Variants in CTNNA1 observed in about 807,000 individuals in gnomAD.
CTNNA1 encodes the protein catenin alpha 1, also known as catenin alpha-1.
CTNNA1 carries 37 observed loss-of-function variants against 98.4 expected under a neutral mutation model. That is an observed-to-expected ratio of 0.38 (90% CI 0.29 to 0.49). CTNNA1 has a LOEUF of 0.49. Ranked by LOEUF, CTNNA1 falls within the 20% of genes least tolerant of loss-of-function variation. CTNNA1 has a pLI of 0.95. For synonymous variants in CTNNA1, 404 were observed against 413.2 expected, an observed-to-expected ratio of 0.98 and a Z score of 0.27; for missense variants, 761 against 1,147.2, an observed-to-expected ratio of 0.66 and a Z score of 4.86.
chr5:138,791,467 A>G (rs1471663898), intron 3 of CTNNA1, among the ~76,000 whole-genome samples: 1 of 151,780 alleles, frequency 6.6e-6, no homozygotes, highest in Non-Finnish European at 1.5e-5. Context: ...AATACAAAAA[A>G]TTAGCCAGGC....
At chr5:138,768,290 C>T (rs987034375) in intron 1 of CTNNA1, among the ~76,000 whole-genome samples, 1 of 152,086 alleles carries the variant, frequency 6.6e-6, no homozygotes, top group Non-Finnish European at 1.5e-5. Context: ...GATCGAGTCT[C>T]GCTCTGTCAC....
intron 9 of CTNNA1, among the ~76,000 whole-genome samples, chr5:138,894,281 CTTTTTTT>C (rs539073038): frequency 8.1e-6 from 1 of 123,948 alleles, no homozygotes; most frequent in Non-Finnish European, 1.6e-5. Flanking sequence ...TTTTCTTTCT[CTTTTTTT>C]TTTTTTTTTT....
At chr5:138,757,584 G>A (rs932050934) in intron 1 of CTNNA1, among the ~76,000 whole-genome samples, 1 of 152,158 alleles carries the variant, frequency 6.6e-6, no homozygotes, top group Non-Finnish European at 1.5e-5. Context: ...CATATCTTAA[G>A]ACTCAGCACT....
chr5:138,909,559 A>T (rs753428451), intron 10 of CTNNA1, among the ~76,000 whole-genome samples: 3 of 152,004 alleles, frequency 2.0e-5, no homozygotes, highest in Non-Finnish European at 4.4e-5. Context: ...GGCTGGTCTC[A>T]AACTCCTGAG....
chr5:138,838,714 C>A (rs1315808302), intron 7 of CTNNA1, among the ~76,000 whole-genome samples: 3 of 152,172 alleles, frequency 2.0e-5, no homozygotes, highest in Non-Finnish European at 4.4e-5. Flanking sequence ...TTTCCCTAAT[C>A]TAAGCCCTGC....
chr5:138,788,747 G>C (rs996078336), intron 3 of CTNNA1, among the ~76,000 whole-genome samples: 1 of 152,120 alleles, frequency 6.6e-6, no homozygotes, highest in African/African-American at 2.4e-5. Context: ...CCTAAATGAA[G>C]CTTTTTTGAA....
chr5:138,759,929 C>T (rs991097041), intron 1 of CTNNA1, among the ~76,000 whole-genome samples: 4 of 144,680 alleles, frequency 2.8e-5, no homozygotes, highest in African/African-American at 7.7e-5. Context: ...GATCTTGGTG[C>T]TTCCTACTCT....
In CTNNA1 at chr5:138,824,535, G is replaced by A. The variant is rs1351489304; in HGVS notation, c.594G>A (p.Leu198=). Residue 198 remains leucine (L), a synonymous_variant, in exon 6 of 18, where the codon TTG becomes TTA. Transcript: ENST00000302763. ...TGTTTTATTTACTCTTGTAGGAATT[G>A]AAAGATGTTGGCCATCGTGATCAGA... is the stretch of plus-strand genomic sequence containing the variant. ...NIMAAKRQQE[L]KDVGHRDQMA... The A allele has an allele frequency of 6.2e-7, 1 of 1,613,126 alleles. No homozygotes were observed. The highest frequency in any genetic ancestry group is 1.3e-5 in the African/African-American group (1 of 74,918).
Position 138,824,702 on chromosome 5 carries a change from G to C in CTNNA1, c.761G>C (p.Gly254Ala). The change falls in exon 6 of 18, where the codon GGC (glycine) becomes GCC (alanine). Residue 254 changes from glycine (G) to alanine (A), a missense_variant. By Grantham distance (60) the Gly-to-Ala change is moderately conservative. Coordinates refer to ENST00000302763, the MANE Select transcript of CTNNA1 (RefSeq NM_001903.5). ...IYKQLQQAVT[G>A]ISNAAQATAS... The stretch of plus-strand genomic sequence containing the variant: ...AAGCAGCTGCAGCAGGCGGTCACAG[G>C]CATTTCCAATGCAGCCCAGGCCACT... The C allele has an allele frequency of 6.2e-7, 1 of 1,614,224 alleles. No homozygotes were observed. Among genetic ancestry groups the C allele is most frequent in the Non-Finnish European group, 8.5e-7 (1 of 1,180,048 alleles).
At chr5:138,833,375 G>T (rs1207498000) in intron 7 of CTNNA1, among the ~76,000 whole-genome samples, 1 of 152,184 alleles carries the variant, frequency 6.6e-6, no homozygotes, top group African/African-American at 2.4e-5. Flanking sequence ...CACTTGAAAT[G>T]TGACAAGTCT....
At chr5:138,930,965 C>T in intron 16 of CTNNA1, 30 bp downstream of exon 16, 1 of 1,452,382 alleles carries the variant, frequency 6.9e-7, no homozygotes, top group Non-Finnish European at 9.7e-7. Context: ...GGTGGGTCTC[C>T]AAGCTCCTCC....
At chr5:138,890,100 T>A (rs754937781) in intron 9 of CTNNA1, among the ~76,000 whole-genome samples, 1 of 152,194 alleles carries the variant, frequency 6.6e-6, no homozygotes, top group Non-Finnish European at 1.5e-5. Context: ...AGGCCAACTT[T>A]GGTTTTAAGG....
At chr5:138,802,952 C>T (rs1757729449) in intron 3 of CTNNA1, among the ~76,000 whole-genome samples, 1 of 137,172 alleles carries the variant, frequency 7.3e-6, no homozygotes, top group Non-Finnish European at 1.6e-5. Context: ...CATGCACCGC[C>T]ACACTTAGCT....
intron 16 of CTNNA1, chr5:138,932,252 T>G: frequency 1.8e-4 from 198 of 1,096,020 alleles, no homozygotes; most frequent in East Asian, 1.2e-3. Context: ...ACCCTGCCGT[T>G]TGGGGTGAGG....
At chr5:138,886,352 A>G (rs932048335) in intron 8 of CTNNA1, 60 bp downstream of exon 8, 5 of 1,505,398 alleles carry the variant, frequency 3.3e-6, no homozygotes, top group Non-Finnish European at 4.5e-6. Context: ...GTTTTGATTA[A>G]AATCCTAATA....
rs749302365 is a variant in CTNNA1, at chr5:138,927,710, TAATGAATGAATG to T, written c.1900-1510_1900-1499del. On this transcript the variant is annotated intron_variant, in intron 13 of 17. Transcript: ENST00000302763. ...CCCAGAACAGTGCTTGGCAGAGAGATAATGAATGAATGAATGAATGAATGAATGAATGAATGA... is the reference window on the plus strand; with the variant it reads ...CCCAGAACAGTGCTTGGCAGAGAGATAATGAATGAATGAATGAATGAATGA... Among the ~76,000 whole-genome samples, 263 of 151,058 alleles carry T rather than the reference TAATGAATGAATG, an allele frequency of 1.7e-3. 3 individuals carry two copies. The East Asian group carries it at 0.043, about 25-fold the overall frequency.
intron 8 of CTNNA1, among the ~76,000 whole-genome samples, 198 bp downstream of exon 8, chr5:138,886,490 G>A (rs1446160521): frequency 1.3e-5 from 2 of 152,174 alleles, no homozygotes; most frequent in Non-Finnish European, 2.9e-5. Flanking sequence ...GGATAATACA[G>A]TCTCACTGTG....
chr5:138,810,999 C>T (rs1451756899), intron 4 of CTNNA1, among the ~76,000 whole-genome samples: 6 of 151,534 alleles, frequency 4.0e-5, no homozygotes, highest in African/African-American at 7.3e-5. Flanking sequence ...CCGGACGGGG[C>T]GGCTGGCCTG....
At chr5:138,858,129 T>A (rs143662082) in intron 7 of CTNNA1, among the ~76,000 whole-genome samples, 63 of 12,822 alleles carry the variant, frequency 4.9e-3, no homozygotes, top group African/African-American at 0.01. Context: ...TTAAAAAAAA[T>A]TTTTTTTTTT....
Sources: gnomAD v4.1 joint callset for allele counts (sites outside exome capture counted in the v4.1 genomes callset) on GRCh38, gnomAD v4.1.1 for gene constraint, MANE v1.5 for transcripts, NCBI Gene and HGNC (gene_info 2026-07-23, HGNC 2026-07-21) for gene names.